Variants in FAM110B observed in about 807,000 individuals in gnomAD.
FAM110B encodes the protein family with sequence similarity 110 member B.
FAM110B carries 6 observed loss-of-function variants against 20.4 expected under a neutral mutation model. The ratio of observed to expected loss-of-function variants is 0.29; its 90% CI spans 0.16 to 0.58. The LOEUF (loss-of-function observed/expected upper bound fraction) is 0.58. FAM110B is among the 20% of genes least tolerant of loss of function. The probability of loss-of-function intolerance (pLI) is 0.90; values close to 1 mark genes in which losing one functional copy is unlikely to be tolerated. For missense variants in FAM110B, 434 were observed against 498.2 expected (o/e 0.87, Z 1.23); for synonymous variants, 226 against 214.1 (o/e 1.06, Z -0.49).
chr8:58,029,970 GAGA>G (rs2150572438), intron 1 of FAM110B, among the ~76,000 whole-genome samples: 1 of 152,304 alleles, frequency 6.6e-6, no homozygotes, highest in African/African-American at 2.4e-5. Context: ...TCAAAAGTGT[GAGA>G]AGGATAAGGC....
At chr8:58,105,325 G>A (rs1329722211) in intron 3 of FAM110B, among the ~76,000 whole-genome samples, 1 of 152,084 alleles carries the variant, frequency 6.6e-6, no homozygotes, top group Non-Finnish European at 1.5e-5. Flanking sequence ...GATTAAATGA[G>A]AAGATAGATA....
At chr8:58,112,660 GT>G (rs1464991301) in intron 3 of FAM110B, among the ~76,000 whole-genome samples, 1 of 152,238 alleles carries the variant, frequency 6.6e-6, no homozygotes, top group African/African-American at 2.4e-5. Context: ...GCTTGGCCCT[GT>G]CTGGTCCTGT....
chr8:58,024,525 AT>A (rs1804817484), intron 1 of FAM110B, among the ~76,000 whole-genome samples: 2 of 152,184 alleles, frequency 1.3e-5, no homozygotes, highest in South Asian at 2.1e-4. Context: ...CAAAGTAGGC[AT>A]TATTTCTATT....
chr8:58,075,287 G>T (rs1806010059), intron 2 of FAM110B, among the ~76,000 whole-genome samples: 2 of 149,660 alleles, frequency 1.3e-5, no homozygotes, highest in Non-Finnish European at 3.0e-5. Context: ...GTGTGTGTGT[G>T]TGTGTGTGTT....
At chr8:58,072,443 A>G (rs993392089) in intron 2 of FAM110B, among the ~76,000 whole-genome samples, 1 of 152,260 alleles carries the variant, frequency 6.6e-6, no homozygotes, top group Non-Finnish European at 1.5e-5. Context: ...GACTTTTAAC[A>G]TACACCAAAG....
At chr8:58,038,723 G>T (rs770660917) in intron 2 of FAM110B, among the ~76,000 whole-genome samples, 4 of 151,622 alleles carry the variant, frequency 2.6e-5, no homozygotes, top group Non-Finnish European at 4.4e-5. Flanking sequence ...CTGTACTCCA[G>T]CCTGGGTGAC....
intron 2 of FAM110B, among the ~76,000 whole-genome samples, chr8:58,036,380 T>C (rs1329275164): frequency 1.3e-5 from 2 of 152,342 alleles, no homozygotes; most frequent in South Asian, 4.1e-4. Flanking sequence ...ATTATCTTAC[T>C]TGATAATACC....
intron 1 of FAM110B, among the ~76,000 whole-genome samples, chr8:58,015,816 G>T (rs1804626124): frequency 6.9e-6 from 1 of 145,708 alleles, no homozygotes; most frequent in Non-Finnish European, 1.5e-5. Context: ...CTGCACTCCA[G>T]CCTGGGTGAC....
Position 58,147,240 on chromosome 8 carries a change from G to A in FAM110B, c.1010G>A (p.Arg337His), listed in dbSNP as rs1450130867. The A allele has an allele frequency of 5.0e-6, 8 of 1,613,988 alleles. No homozygotes were observed. Among genetic ancestry groups the A allele is most frequent in the East Asian group, 2.2e-5 (1 of 44,884 alleles). The part of the protein sequence containing the change: ...DLRNDDSAND[R>H]VPYGISAIER... ...AGAAATGATGACAGTGCCAATGACCGCGTGCCGTATGGCATTTCTGCCATC... is the reference window on the plus strand; with the variant it reads ...AGAAATGATGACAGTGCCAATGACCACGTGCCGTATGGCATTTCTGCCATC... Residue 337 changes from arginine to histidine, a missense_variant, in exon 4 of 4, where the codon CGC (arginine) becomes CAC (histidine). Physicochemically the swap from Arg to His is conservative, Grantham distance 29. This residue lies in a region of FAM110B where 94 missense variants were observed against 137.8 expected (regional missense o/e 0.68). Transcript: ENST00000519262.
chr8:58,064,394 C>T (rs1167725452), intron 2 of FAM110B, among the ~76,000 whole-genome samples: 1 of 148,250 alleles, frequency 6.7e-6, no homozygotes, highest in Non-Finnish European at 1.5e-5. Flanking sequence ...AATGTATACA[C>T]TTTTTTTTTT....
intron 2 of FAM110B, 32 bp from the exon 3 acceptor site, chr8:58,075,503 C>A (rs1313110939): frequency 6.6e-6 from 1 of 152,062 alleles, no homozygotes; most frequent in African/African-American, 2.4e-5. Flanking sequence ...AATAAAAAGG[C>A]AATAACAATC....
At chr8:58,035,640 T>C (rs1257464072) in intron 2 of FAM110B, among the ~76,000 whole-genome samples, 1 of 152,142 alleles carries the variant, frequency 6.6e-6, no homozygotes. Context: ...GGGAACTGAA[T>C]TGAAAATGCA....
At chr8:58,050,374 T>G (rs56283627) in intron 2 of FAM110B, among the ~76,000 whole-genome samples, 5 of 152,172 alleles carry the variant, frequency 3.3e-5, no homozygotes, top group Non-Finnish European at 5.9e-5. Flanking sequence ...TACCCATTTC[T>G]TAGCTCAGTG....
At chr8:58,053,087 G>C (rs1805484645) in intron 2 of FAM110B, among the ~76,000 whole-genome samples, 1 of 152,152 alleles carries the variant, frequency 6.6e-6, no homozygotes, top group South Asian at 2.1e-4. Flanking sequence ...GCCCGGCCGA[G>C]AGTGATGGAC....
intron 2 of FAM110B, among the ~76,000 whole-genome samples, chr8:58,074,893 T>C (rs1426612127): frequency 6.6e-6 from 1 of 152,190 alleles, no homozygotes; most frequent in Non-Finnish European, 1.5e-5. Flanking sequence ...AAGTAAGATA[T>C]GATGCCACAT....
chr8:58,113,952 T>C (rs1807131009), intron 3 of FAM110B, among the ~76,000 whole-genome samples: 1 of 152,228 alleles, frequency 6.6e-6, no homozygotes, highest in Non-Finnish European at 1.5e-5. Context: ...AAAAGTCTTA[T>C]GCTTACTTAC....
rs556069129 is a variant in FAM110B at position 58,066,907 on chromosome 8, G to A, written c.-413-8628G>A. Among the ~76,000 whole-genome samples the A allele has an allele frequency of 4.6e-5, 7 of 152,188 alleles. No individual in the cohort carries two copies. The East Asian group carries it at 5.8e-4, about 13-fold the overall frequency. Reference sequence around the variant, plus strand: ...AAACGCCGGTCCTTTAACATCAGCCGCAATAGCCCTACGTGCAGCCAAGCC... The same window carrying A: ...AAACGCCGGTCCTTTAACATCAGCCACAATAGCCCTACGTGCAGCCAAGCC... On this transcript the variant is annotated intron_variant, in intron 2 of 3. Coordinates refer to ENST00000519262, the MANE Select transcript of FAM110B (RefSeq NM_001377989.1).
chr8:58,133,297 A>C (rs1475163574), intron 3 of FAM110B, among the ~76,000 whole-genome samples: 1 of 149,768 alleles, frequency 6.7e-6, no homozygotes, highest in Non-Finnish European at 1.5e-5. Flanking sequence ...TGAGGTTTTT[A>C]GATTTGTATT....
intron 2 of FAM110B, among the ~76,000 whole-genome samples, chr8:58,045,238 T>C (rs1805295940): frequency 6.6e-6 from 1 of 152,186 alleles, no homozygotes; most frequent in Admixed American, 6.5e-5. Flanking sequence ...GCATCAGCAG[T>C]CATCAGGGCT....
Sources: gnomAD v4.1 joint callset for allele counts (sites outside exome capture counted in the v4.1 genomes callset) on GRCh38, gnomAD v4.1.1 for gene constraint, gnomAD v4.1.1 regional missense constraint, MANE v1.5 for transcripts, NCBI Gene and HGNC (gene_info 2026-07-23, HGNC 2026-07-21) for gene names.